The following TMEM114 variants were observed in gnomAD, a reference collection of about 807,000 sequenced individuals.
TMEM114 encodes transmembrane protein 114.
TMEM114 carries 6 observed loss-of-function variants against 6.2 expected under a neutral mutation model. The ratio of observed to expected loss-of-function variants is 0.97; its 90% CI spans 0.53 to 1.91. The LOEUF (loss-of-function observed/expected upper bound fraction) is 1.91, where lower values mean the gene tolerates loss of function less well. TMEM114 is among the 40% of genes most tolerant of loss of function. The pLI, the probability that TMEM114 is intolerant of heterozygous loss-of-function variation, is 0.01. For missense variants in TMEM114, 218 were observed against 158.3 expected (o/e 1.38, Z -2.02); for synonymous variants, 104 against 73.0 (o/e 1.42, Z -2.16).
At chr16:8,540,717 C>T (rs866714184) in intron 2 of TMEM114, among the ~76,000 whole-genome samples, 1 of 152,218 alleles carries the variant, frequency 6.6e-6, no homozygotes, top group Admixed American at 6.5e-5. Context: ...GACATAGTTC[C>T]TATCTTCTTG....
intron 2 of TMEM114, among the ~76,000 whole-genome samples, chr16:8,551,355 A>G (rs755600618): frequency 6.6e-6 from 1 of 152,214 alleles, no homozygotes; most frequent in Non-Finnish European, 1.5e-5. Context: ...TCCAGCCCCT[A>G]GTAACGGTGG....
At chr16:8,533,759 T>C (rs1185868265), downstream of TMEM114, among the ~76,000 whole-genome samples, 1 of 152,228 alleles carries the variant, frequency 6.6e-6, no homozygotes, top group Non-Finnish European at 1.5e-5. Flanking sequence ...CATTGAGTTT[T>C]CCATAGACCA....
At chr16:8,568,179 C>G (rs1007706352), downstream of TMEM114, among the ~76,000 whole-genome samples, 17 of 152,214 alleles carry the variant, frequency 1.1e-4, no homozygotes, top group African/African-American at 4.1e-4. Flanking sequence ...CTTTGCTTAT[C>G]TCCTAGTCCT....
intron 2 of TMEM114, among the ~76,000 whole-genome samples, chr16:8,549,024 T>C (rs1428856462): frequency 6.6e-6 from 1 of 150,990 alleles, no homozygotes; most frequent in African/African-American, 2.4e-5. Context: ...CTACTAAAAA[T>C]ACAAAGATTT....
At chr16:8,542,005 G>T (rs1450086032) in intron 2 of TMEM114, among the ~76,000 whole-genome samples, 1 of 152,200 alleles carries the variant, frequency 6.6e-6, no homozygotes, top group Non-Finnish European at 1.5e-5. Context: ...CTGCGAGGCA[G>T]CTTTCACCAG....
intron 2 of TMEM114, 27 bp from the exon 3 acceptor site, chr16:8,572,251 G>A (rs1000653518): frequency 1.9e-6 from 3 of 1,551,398 alleles, no homozygotes; most frequent in Admixed American, 3.9e-5. Context: ...AGGATACCAG[G>A]CAGAGGACAG....
intron 2 of TMEM114, among the ~76,000 whole-genome samples, chr16:8,557,578 G>C (rs1196596438): frequency 2.0e-5 from 3 of 152,144 alleles, no homozygotes; most frequent in Non-Finnish European, 4.4e-5. Flanking sequence ...CTACATCTTG[G>C]GTAATTTATT....
chr16:8,564,794 T>C (rs898393810), downstream of TMEM114, among the ~76,000 whole-genome samples: 11 of 148,056 alleles, frequency 7.4e-5, no homozygotes, highest in East Asian at 1.4e-3. Flanking sequence ...AGTGAATTAG[T>C]GAGTAAATGA....
the TMEM114 span, among the ~76,000 whole-genome samples, chr16:8,530,987 T>C: frequency 6.6e-6 from 1 of 151,784 alleles, no homozygotes; most frequent in African/African-American, 2.4e-5. Flanking sequence ...CCATGCCACT[T>C]CACTGCAGTC....
intron 2 of TMEM114, among the ~76,000 whole-genome samples, chr16:8,563,306 T>A (rs1336649072): frequency 1.0e-4 from 15 of 148,130 alleles, no homozygotes; most frequent in Non-Finnish European, 1.9e-4. Context: ...AATAAATGAG[T>A]GAGTGAGGGA....
intron 2 of TMEM114, among the ~76,000 whole-genome samples, chr16:8,557,975 C>A (rs561850921): frequency 6.6e-6 from 1 of 152,320 alleles, no homozygotes; most frequent in Admixed American, 6.5e-5. Context: ...TCAGTCCAGG[C>A]AGGTGCAGTG....
At chr16:8,531,995 G>T in the TMEM114 span, 1 of 152,184 alleles carries the variant, frequency 6.6e-6, no homozygotes, top group African/African-American at 2.4e-5. Context: ...CCTAGTATAA[G>T]TGAGGCACTG....
chr16:8,527,494 A>T, the TMEM114 span, among the ~76,000 whole-genome samples: 46 of 152,276 alleles, frequency 3.0e-4, no homozygotes, highest in Admixed American at 1.4e-3. Flanking sequence ...TGAGCACAAA[A>T]TAAGATAACA....
In TMEM114 at chr16:8,572,994, T is replaced by A. The variant is rs541187605; in HGVS notation, c.302-770A>T. 5.3e-5 allele frequency among the ~76,000 whole-genome samples: 8 copies of A among 152,336 alleles called. No homozygotes were observed. In the East Asian group the frequency reaches 1.2e-3, roughly 22 times the overall value. ...TTCTCCCAAGGCTGGCTTCACTGAC[T>A]GGAGTGCCGGCCCCGTTCTCTACAA... is the stretch of plus-strand genomic sequence containing the variant. On this transcript the variant is annotated intron_variant, in intron 2 of 3. Transcript: ENST00000620492.
intron 2 of TMEM114, among the ~76,000 whole-genome samples, chr16:8,540,364 G>T (rs970086728): frequency 6.6e-6 from 1 of 152,262 alleles, no homozygotes; most frequent in Middle Eastern, 3.4e-3. Context: ...CGCCTGCTGG[G>T]TATCATTATA....
chr16:8,536,050 AC>A (rs774244538), downstream of TMEM114, among the ~76,000 whole-genome samples: 3 of 151,722 alleles, frequency 2.0e-5, no homozygotes, highest in Non-Finnish European at 2.9e-5. Flanking sequence ...ACGTTGTGAA[AC>A]CCCGTCTCTA....
downstream of TMEM114, among the ~76,000 whole-genome samples, chr16:8,564,925 GGGA>G (rs1021979897): frequency 5.4e-5 from 7 of 128,702 alleles, no homozygotes; most frequent in African/African-American, 2.0e-4. Flanking sequence ...GACTGAGTGA[GGGA>G]ATGAGTGAGT....
the TMEM114 span, among the ~76,000 whole-genome samples, chr16:8,530,434 C>T: frequency 6.6e-6 from 1 of 152,078 alleles, no homozygotes; most frequent in Non-Finnish European, 1.5e-5. Flanking sequence ...TCTTTCAGCT[C>T]CCATAATCTA....
At chr16:8,572,387 A>G (rs1395141805) in intron 2 of TMEM114, 163 bp from the exon 3 acceptor site, 2 of 768,758 alleles carry the variant, frequency 2.6e-6, no homozygotes, top group African/African-American at 1.7e-5. Flanking sequence ...GATGACCATG[A>G]CAACAGTGGT....
Sources: gnomAD v4.1 joint callset for allele counts (sites outside exome capture counted in the v4.1 genomes callset) on GRCh38, gnomAD v4.1.1 for gene constraint, MANE v1.5 for transcripts, NCBI Gene and HGNC (gene_info 2026-07-23, HGNC 2026-07-21) for gene names.